The following GALNT13 variants were observed in gnomAD, a reference collection of about 807,000 sequenced individuals.
GALNT13 encodes polypeptide N-acetylgalactosaminyltransferase 13.
GALNT13 carries 28 observed loss-of-function variants against 64.2 expected under a neutral mutation model. That is an observed-to-expected ratio of 0.44 (90% CI 0.32 to 0.60). The LOEUF (loss-of-function observed/expected upper bound fraction) is 0.60. Among genes scored for constraint, GALNT13 ranks in the 20% least tolerant of loss-of-function variants. The pLI, the probability that GALNT13 is intolerant of heterozygous loss-of-function variation, is 0.05. For synonymous variants in GALNT13, 214 were observed against 224.6 expected, an observed-to-expected ratio of 0.95 and a Z score of 0.42; for missense variants, 577 against 669.8, an observed-to-expected ratio of 0.86 and a Z score of 1.53.
chr2:153,347,692 T>G, the GALNT13 span, among the ~76,000 whole-genome samples: 1 of 152,240 alleles, frequency 6.6e-6, no homozygotes, highest in African/African-American at 2.4e-5. Context: ...TACATGTTCA[T>G]TAGGTATCAA....
At chr2:153,236,642 T>C in the GALNT13 span, among the ~76,000 whole-genome samples, 20 of 152,120 alleles carry the variant, frequency 1.3e-4, no homozygotes, top group African/African-American at 4.6e-4. Flanking sequence ...TTAAGCTGAC[T>C]GTTGAGACCT....
the GALNT13 span, among the ~76,000 whole-genome samples, chr2:153,388,174 C>T: frequency 6.6e-6 from 1 of 152,010 alleles, no homozygotes; most frequent in Non-Finnish European, 1.5e-5. Context: ...ATTTTCCACA[C>T]CTGTAAAGTT....
intron 9 of GALNT13, among the ~76,000 whole-genome samples, chr2:154,323,273 A>T (rs1447571789): frequency 2.0e-5 from 3 of 151,708 alleles, no homozygotes; most frequent in Non-Finnish European, 4.4e-5. Flanking sequence ...CTCACTGCCT[A>T]GTGAGATCCT....
At chr2:153,102,333 G>A in the GALNT13 span, among the ~76,000 whole-genome samples, 1 of 151,670 alleles carries the variant, frequency 6.6e-6, no homozygotes, top group South Asian at 2.1e-4. Flanking sequence ...AGTTTTTACT[G>A]TCTTATGATT....
intron 7 of GALNT13, among the ~76,000 whole-genome samples, chr2:154,252,360 AT>A (rs34869227): frequency 0.021 from 3,029 of 144,130 alleles, 69 homozygotes; most frequent in African/African-American, 0.064. Flanking sequence ...TATTATTATT[AT>A]TTTTTTTTTT....
the GALNT13 span, among the ~76,000 whole-genome samples, chr2:153,660,431 T>C: frequency 1.3e-5 from 2 of 151,802 alleles, no homozygotes; most frequent in Non-Finnish European, 2.9e-5. Context: ...CATTGAAAAA[T>C]TTTGAGCAAG....
At chr2:153,720,715 T>C in the GALNT13 span, among the ~76,000 whole-genome samples, 2 of 149,570 alleles carry the variant, frequency 1.3e-5, no homozygotes, top group South Asian at 2.2e-4. Flanking sequence ...GTATCAGCAA[T>C]GGAAGATGAA....
the GALNT13 span, among the ~76,000 whole-genome samples, chr2:153,180,397 T>A: frequency 6.6e-6 from 1 of 152,190 alleles, no homozygotes; most frequent in Non-Finnish European, 1.5e-5. Flanking sequence ...TGATGAATGA[T>A]CCTTTAATGT....
chr2:153,518,701 A>G, the GALNT13 span, among the ~76,000 whole-genome samples: 2 of 152,314 alleles, frequency 1.3e-5, no homozygotes, highest in East Asian at 1.9e-4. Context: ...TTACTGAACT[A>G]GAATAACTAT....
chr2:154,051,448 G>T (rs1240323907), intron 3 of GALNT13, among the ~76,000 whole-genome samples: 1 of 150,892 alleles, frequency 6.6e-6, no homozygotes, highest in Non-Finnish European at 1.5e-5. Flanking sequence ...CCGCCACCGC[G>T]CCCGGCTAAT....
At chr2:153,830,336 C>T in the GALNT13 span, among the ~76,000 whole-genome samples, 1 of 152,080 alleles carries the variant, frequency 6.6e-6, no homozygotes, top group Non-Finnish European at 1.5e-5. Flanking sequence ...AAGACTTTGA[C>T]TGTACATTTG....
At chr2:154,293,073 A>T (rs113634762) in intron 8 of GALNT13, among the ~76,000 whole-genome samples, 1 of 152,188 alleles carries the variant, frequency 6.6e-6, no homozygotes, top group Non-Finnish European at 1.5e-5. Flanking sequence ...CCCTGTGGAT[A>T]ATAGGATAGT....
At chr2:154,404,643 C>T (rs2105380928) in intron 10 of GALNT13, among the ~76,000 whole-genome samples, 1 of 152,194 alleles carries the variant, frequency 6.6e-6, no homozygotes. Flanking sequence ...AAAAAAACTC[C>T]TCTCTAATAT....
At chr2:154,172,440 C>A (rs2105704115) in intron 4 of GALNT13, among the ~76,000 whole-genome samples, 1 of 151,946 alleles carries the variant, frequency 6.6e-6, no homozygotes. Flanking sequence ...TTTCTTTATC[C>A]TCCCTCCCCA....
In GALNT13 at chr2:153,999,949, G is replaced by A. The variant is rs114025636; in HGVS notation, c.142+55310G>A. 7.7e-3 allele frequency among the ~76,000 whole-genome samples: 1,166 copies of A among 151,916 alleles called. 16 individuals carry two copies. The highest frequency in any genetic ancestry group is 0.027 in the African/African-American group (1,105 of 41,476). On this transcript the variant is annotated intron_variant, in intron 3 of 12. Coordinates refer to ENST00000392825, the MANE Select transcript of GALNT13 (RefSeq NM_052917.4). ...TCAAACCTGAAGCCATTAGGTCCTGGGCTTGTCTTTGATAGGAGAGTCTTT... is the reference window on the plus strand; with the variant it reads ...TCAAACCTGAAGCCATTAGGTCCTGAGCTTGTCTTTGATAGGAGAGTCTTT...
chr2:153,731,830 GAGA>G, the GALNT13 span, among the ~76,000 whole-genome samples: 1 of 151,776 alleles, frequency 6.6e-6, no homozygotes, highest in Non-Finnish European at 1.5e-5. Context: ...AATAAAACTA[GAGA>G]ACAGATCCTT....
chr2:153,235,161 T>G, the GALNT13 span, among the ~76,000 whole-genome samples: 2 of 152,084 alleles, frequency 1.3e-5, no homozygotes, highest in Non-Finnish European at 2.9e-5. Context: ...TCTCTTCTTC[T>G]CCTCAGGCCA....
the GALNT13 span, among the ~76,000 whole-genome samples, chr2:153,349,677 A>G: frequency 6.6e-6 from 1 of 152,230 alleles, no homozygotes; most frequent in South Asian, 2.1e-4. Flanking sequence ...ATTTGCCTTA[A>G]TCCAACTCCT....
intron 9 of GALNT13, among the ~76,000 whole-genome samples, chr2:154,323,305 AGAG>A (rs2105169252): frequency 6.6e-6 from 1 of 151,964 alleles, no homozygotes; most frequent in East Asian, 1.9e-4. Flanking sequence ...ATAAAAAAGG[AGAG>A]GAGTAGCAAA....
Sources: gnomAD v4.1 joint callset for allele counts (sites outside exome capture counted in the v4.1 genomes callset) on GRCh38, gnomAD v4.1.1 for gene constraint, MANE v1.5 for transcripts, NCBI Gene and HGNC (gene_info 2026-07-23, HGNC 2026-07-21) for gene names.